DBT: variants seen among roughly 807,000 people sequenced by gnomAD.
The protein encoded by DBT is lipoamide acyltransferase component of branched-chain alpha-keto acid dehydrogenase complex, mitochondrial.
A neutral mutation model predicts 51.3 loss-of-function variants in DBT; 40 were observed. That is an observed-to-expected ratio of 0.78 (90% CI 0.61 to 1.02). DBT has a LOEUF of 1.02. DBT is among the 50% of genes least tolerant of loss of function. The pLI, the probability that DBT is intolerant of heterozygous loss-of-function variation, is 0.00. For missense variants in DBT, 510 were observed against 580.2 expected (o/e 0.88, Z 1.24); for synonymous variants, 181 against 190.4 (o/e 0.95, Z 0.41).
intron 10 of DBT, among the ~76,000 whole-genome samples, chr1:100,205,840 A>G (rs1661748766): frequency 6.7e-6 from 1 of 149,564 alleles, no homozygotes; most frequent in South Asian, 2.1e-4. Flanking sequence ...AAAACCAAAC[A>G]CTGCATGTTC....
Position 100,216,047 on chromosome 1 carries a change from A to C in DBT, c.708T>G (p.Thr236=). ...MPPPPKPKDM[T]VPILVSKPPV... Reference sequence around the variant, plus strand: ...GAGGTTTTGATACTAGTATAGGAACAGTCATGTCTTTTGGCTTTGGTGGAG... The same window carrying C: ...GAGGTTTTGATACTAGTATAGGAACCGTCATGTCTTTTGGCTTTGGTGGAG... Residue 236 remains threonine, a synonymous_variant, in exon 6 of 11, where the codon ACT becomes ACG. Coordinates refer to ENST00000370132, the MANE Select transcript of DBT (RefSeq NM_001918.5). 1 of 1,613,706 alleles carries C rather than the reference A, an allele frequency of 6.2e-7. No homozygotes were observed. The highest frequency in any genetic ancestry group is 8.5e-7 in the Non-Finnish European group (1 of 1,179,670).
chr1:100,232,483 T>TA (rs1011928621), intron 3 of DBT, among the ~76,000 whole-genome samples: 7 of 151,858 alleles, frequency 4.6e-5, no homozygotes, highest in Non-Finnish European at 7.4e-5. Flanking sequence ...TTTGTAACTT[T>TA]AAAAAAAAAT....
At position 100,214,893 on chromosome 1, in the gene DBT, A is replaced by C; in HGVS notation, c.863T>G (p.Val288Gly). The C allele has an allele frequency of 6.2e-7, 1 of 1,614,090 alleles. No homozygotes were observed. Residue 288 changes from valine to glycine, a missense_variant, in exon 7 of 11, where the codon GTT (valine) becomes GGT (glycine). By Grantham distance (109) the Val-to-Gly change is moderately radical (BLOSUM62 -3). Transcript: ENST00000370132. Reference sequence around the variant, plus strand: ...GGGTTTTAATTCTTCTCGGAGCTTAACCAGTTCAGTAAGGTCAATCTCATC... The same window carrying C: ...GGGTTTTAATTCTTCTCGGAGCTTACCCAGTTCAGTAAGGTCAATCTCATC... ...YCDEIDLTEL[V>G]KLREELKPIA...
Position 100,199,715 on chromosome 1 carries a change from C to T in DBT, c.1282-3293G>A, listed in dbSNP as rs147352154. Reference sequence around the variant, plus strand: ...AGGTACCCGGTTCATCTCATTGGGACTGGTTAGACAGTGGGTGCAGCCCAT... The same window carrying T: ...AGGTACCCGGTTCATCTCATTGGGATTGGTTAGACAGTGGGTGCAGCCCAT... On this transcript the variant is annotated intron_variant, in intron 10 of 10. Coordinates refer to ENST00000370132, the MANE Select transcript of DBT (RefSeq NM_001918.5). 6.1e-4 allele frequency among the ~76,000 whole-genome samples: 93 copies of T among 152,212 alleles called. 1 individual carries two copies. The East Asian group carries it at 0.017, about 29-fold the overall frequency.
At chr1:100,213,353 G>A in intron 7 of DBT, 1 of 1,529,710 alleles carries the variant, frequency 6.5e-7, no homozygotes, top group Non-Finnish European at 8.8e-7. Context: ...GGCCGGCCAG[G>A]GCGACTACGC....
intron 10 of DBT, among the ~76,000 whole-genome samples, chr1:100,198,041 T>C (rs1661208083): frequency 2.0e-5 from 3 of 152,200 alleles, no homozygotes; most frequent in African/African-American, 7.2e-5. Flanking sequence ...ATTGAACAGA[T>C]ATTTATAAAT....
At chr1:100,230,629 GA>G (rs11394110) in intron 4 of DBT, 103 bp downstream of exon 4, 358 of 533,482 alleles carry the variant, frequency 6.7e-4, no homozygotes, top group Middle Eastern at 1.6e-3. Context: ...AATAGGAATA[GA>G]AAAAAAAAAA....
chr1:100,206,765 A>C, intron 8 of DBT, 129 bp from the exon 9 acceptor site: 2 of 689,346 alleles, frequency 2.9e-6, no homozygotes, highest in Non-Finnish European at 5.1e-6. Context: ...GTGATTTAAA[A>C]GAAATAATTT....
chr1:100,230,801 T>C lies in DBT; in HGVS notation c.365A>G (p.Tyr122Cys), dbSNP rs727503896. Residue 122 changes from tyrosine (Y) to cysteine (C), a missense_variant, in exon 4 of 11, where the codon TAT becomes TGT. Transcript: ENST00000370132. ...SRYDGVIKKL[Y>C]YNLDDIAYVG... ...ATAGGCAATATCGTCTAGATTATAATAGAGTTTTTTAATGACTCCATCATA... is the reference window on the plus strand; with the variant it reads ...ATAGGCAATATCGTCTAGATTATAACAGAGTTTTTTAATGACTCCATCATA... The C allele has an allele frequency of 4.3e-6, 7 of 1,610,680 alleles. No homozygotes were observed. The African/African-American group carries it at 5.3e-5, about 12-fold the overall frequency.
At chr1:100,210,917 A>T in intron 7 of DBT, 146 bp from the exon 8 acceptor site, 1 of 1,514,330 alleles carries the variant, frequency 6.6e-7, no homozygotes, top group Non-Finnish European at 8.9e-7. Flanking sequence ...ACCTAGTCAC[A>T]TTACTGCCAA....
chr1:100,218,125 C>A (rs568384232), intron 5 of DBT, among the ~76,000 whole-genome samples: 1 of 152,330 alleles, frequency 6.6e-6, no homozygotes, highest in East Asian at 1.9e-4. Flanking sequence ...AGCAGTAATT[C>A]TGTGGTTCTC....
chr1:100,214,467 T>C (rs1255633117), intron 7 of DBT, among the ~76,000 whole-genome samples: 2 of 152,166 alleles, frequency 1.3e-5, no homozygotes, highest in Admixed American at 1.3e-4. Context: ...AATGTCCTAC[T>C]TGGGGCCAGG....
At chr1:100,234,657 G>A (rs1054233400) in intron 3 of DBT, among the ~76,000 whole-genome samples, 4 of 152,100 alleles carry the variant, frequency 2.6e-5, no homozygotes, top group Non-Finnish European at 5.9e-5. Flanking sequence ...GTGAGTCACA[G>A]GTAGGACAGC....
chr1:100,239,259 T>C (rs1468347945), intron 2 of DBT, among the ~76,000 whole-genome samples: 1 of 152,178 alleles, frequency 6.6e-6, no homozygotes, highest in African/African-American at 2.4e-5. Flanking sequence ...TGCTAGTAAT[T>C]TGTAGACCAG....
chr1:100,230,805 G>A lies in DBT; in HGVS notation c.361C>T (p.Leu121Phe), dbSNP rs1278860601. The A allele has an allele frequency of 1.9e-6, 3 of 1,609,980 alleles. No homozygotes were observed. The highest frequency in any genetic ancestry group is 2.5e-6 in the Non-Finnish European group (3 of 1,176,558). ...TSRYDGVIKK[L>F]YYNLDDIAYV... ...GCAATATCGTCTAGATTATAATAGA[G>A]TTTTTTAATGACTCCATCATAACGA... The change falls in exon 4 of 11, where the codon CTC (leucine) becomes TTC (phenylalanine). Residue 121 changes from leucine (L) to phenylalanine (F), a missense_variant. Physicochemically the swap from Leu to Phe is conservative, Grantham distance 22. Coordinates refer to ENST00000370132, the MANE Select transcript of DBT (RefSeq NM_001918.5).
At chr1:100,227,602 C>T (rs957692875) in intron 4 of DBT, among the ~76,000 whole-genome samples, 10 of 152,126 alleles carry the variant, frequency 6.6e-5, no homozygotes, top group African/African-American at 2.4e-4. Context: ...GCTAACACTA[C>T]ATACATAATT....
chr1:100,219,000 T>C lies in DBT; in HGVS notation c.434-253A>G, dbSNP rs139322807. 5.5e-3 allele frequency among the ~76,000 whole-genome samples: 835 copies of C among 152,086 alleles called. 9 individuals are homozygous for C. Among genetic ancestry groups the C allele is most frequent in the African/African-American group, 0.018 (761 of 41,420 alleles). On this transcript the variant is annotated intron_variant, in intron 4 of 10. Coordinates refer to ENST00000370132, the MANE Select transcript of DBT (RefSeq NM_001918.5). ...TAGTACCTGGTGGATATGTCACTCC[T>C]GTTGAAATAATATAGCAGCTACAAG...
In DBT at chr1:100,188,412, T is replaced by C. The variant is rs897209554; in HGVS notation, c.*7843A>G. 1 of 152,184 alleles carries C rather than the reference T, an allele frequency of 6.6e-6. No homozygotes were observed. Among genetic ancestry groups the C allele is most frequent in the African/African-American group, 2.4e-5 (1 of 41,444 alleles). 9.4% of individuals were successfully genotyped at this position (152,184 alleles called of 1,614,324 possible). ...AACTTCTCTACAGACTTTATGATCTTTTTGGACTTTACTTTTTAGCACATC... is the reference window on the plus strand; with the variant it reads ...AACTTCTCTACAGACTTTATGATCTCTTTGGACTTTACTTTTTAGCACATC... On this transcript the variant is annotated 3_prime_UTR_variant, in exon 11 of 11. Coordinates refer to ENST00000370132, the MANE Select transcript of DBT (RefSeq NM_001918.5).
chr1:100,206,232 T>C lies in DBT; in HGVS notation c.1279A>G (p.Lys427Glu). Residue 427 changes from lysine to glutamate, a missense_variant and splice_region_variant, in exon 10 of 11, where the codon AAG becomes GAG. Lys to Glu is a moderately conservative substitution (Grantham distance 56, BLOSUM62 1). Coordinates refer to ENST00000370132, the MANE Select transcript of DBT (RefSeq NM_001918.5). ...TTTCAGTTATCTAATACATGTACCTTAATTGATCCAAGGGCCCCAATGGCT... is the reference window on the plus strand; with the variant it reads ...TTTCAGTTATCTAATACATGTACCTCAATTGATCCAAGGGCCCCAATGGCT... ...EVAIGALGSIKAIPRFNQKGE... is the reference protein window; with the variant it reads ...EVAIGALGSIEAIPRFNQKGE... The C allele has an allele frequency of 6.2e-7, 1 of 1,609,596 alleles. No homozygotes were observed. The highest frequency in any genetic ancestry group is 8.5e-7 in the Non-Finnish European group (1 of 1,176,076).
Sources: gnomAD v4.1 joint callset for allele counts (sites outside exome capture counted in the v4.1 genomes callset) on GRCh38, gnomAD v4.1.1 for gene constraint, MANE v1.5 for transcripts, NCBI Gene and HGNC (gene_info 2026-07-23, HGNC 2026-07-21) for gene names.